Variants in IMMP2L observed in about 807,000 individuals in gnomAD.
The protein encoded by IMMP2L is mitochondrial inner membrane protease subunit 2.
IMMP2L carries 18 observed loss-of-function variants against 19.3 expected under a neutral mutation model. The observed-to-expected ratio is 0.93, with a 90% CI of 0.64 to 1.38. The LOEUF (loss-of-function observed/expected upper bound fraction) is 1.38, where lower values mean the gene tolerates loss of function less well. Among genes scored for constraint, IMMP2L ranks in the 40% most tolerant of loss-of-function variants. The pLI, the probability that IMMP2L is intolerant of heterozygous loss-of-function variation, is 0.00. For missense variants in IMMP2L, 233 were observed against 218.2 expected (o/e 1.07, Z -0.43); for synonymous variants, 76 against 73.0 (o/e 1.04, Z -0.21).
At chr7:111,206,884 G>A (rs1354134731) in intron 3 of IMMP2L, among the ~76,000 whole-genome samples, 1 of 151,926 alleles carries the variant, frequency 6.6e-6, no homozygotes, top group East Asian at 1.9e-4. Flanking sequence ...TTTTCCTTAG[G>A]TGTTACTCTT....
intron 3 of IMMP2L, among the ~76,000 whole-genome samples, chr7:111,292,991 A>G (rs1478735722): frequency 2.0e-5 from 3 of 152,146 alleles, no homozygotes; most frequent in African/African-American, 4.8e-5. Context: ...GGTCAAAATA[A>G]TAAGTCAAAA....
Position 111,434,050 on chromosome 7 carries a change from C to T in IMMP2L, c.239+53188G>A, listed in dbSNP as rs181332599. Among the ~76,000 whole-genome samples the T allele has an allele frequency of 2.0e-4, 31 of 151,732 alleles. No homozygotes were observed. In the East Asian group the frequency reaches 4.8e-3, roughly 24 times the overall value. ...CATTACCTGACTTTAAATTATACTA[C>T]GAGGCTACAGGAACCAAAACAGCAT... On this transcript the variant is annotated intron_variant, in intron 3 of 5. Transcript: ENST00000405709.
chr7:111,277,235 C>A lies in IMMP2L; in HGVS notation c.239+210003G>T, dbSNP rs60797011. On this transcript the variant is annotated intron_variant, in intron 3 of 5. Coordinates refer to ENST00000405709, the MANE Select transcript of IMMP2L (RefSeq NM_032549.4). ...ACAAAGGGCTAATATCCAGAACCTA[C>A]AACGAACTCAAACAACTCTACAAGA... Among the ~76,000 whole-genome samples, 310 of 151,886 alleles carry A rather than the reference C, an allele frequency of 2.0e-3. 3 individuals carry two copies. The highest frequency in any genetic ancestry group is 7.1e-3 in the African/African-American group (294 of 41,432).
chr7:111,537,409 A>G (rs1847981812), intron 1 of IMMP2L, among the ~76,000 whole-genome samples: 1 of 152,010 alleles, frequency 6.6e-6, no homozygotes, highest in Non-Finnish European at 1.5e-5. Flanking sequence ...AAATCATCCT[A>G]ACTTTCTCTT....
At chr7:111,076,308 T>G (rs918212029) in intron 3 of IMMP2L, among the ~76,000 whole-genome samples, 1 of 152,204 alleles carries the variant, frequency 6.6e-6, no homozygotes, top group Non-Finnish European at 1.5e-5. Context: ...TGAGAAGCAC[T>G]GAAGATCTGA....
intron 4 of IMMP2L, among the ~76,000 whole-genome samples, chr7:110,922,945 T>A (rs1814455463): frequency 6.6e-6 from 1 of 152,160 alleles, no homozygotes; most frequent in African/African-American, 2.4e-5. Context: ...CATGGCACAG[T>A]CAACAATTAG....
At chr7:111,313,816 T>C (rs1021317853) in intron 3 of IMMP2L, among the ~76,000 whole-genome samples, 3 of 152,112 alleles carry the variant, frequency 2.0e-5, no homozygotes, top group Non-Finnish European at 4.4e-5. Context: ...TGGATATTTG[T>C]CCAATCCAAA....
intron 3 of IMMP2L, among the ~76,000 whole-genome samples, chr7:111,320,834 A>G (rs1824610484): frequency 2.6e-5 from 4 of 152,102 alleles, no homozygotes; most frequent in Admixed American, 2.6e-4. Flanking sequence ...TTATCATACC[A>G]TACAGTACTG....
At chr7:110,756,537 TCTGAATAGTCAGGAAAGAAGTAGGC>T (rs1798052949) in intron 5 of IMMP2L, among the ~76,000 whole-genome samples, 3 of 151,984 alleles carry the variant, frequency 2.0e-5, no homozygotes, top group Admixed American at 6.6e-5. Flanking sequence ...TACTGCAGAG[TCTGAATAGTCAGGAAAGAAGTAGGC>T]CAAGCACCGA....
intron 5 of IMMP2L, among the ~76,000 whole-genome samples, chr7:110,705,956 A>G (rs1272051155): frequency 6.6e-6 from 1 of 151,942 alleles, no homozygotes; most frequent in African/African-American, 2.4e-5. Flanking sequence ...TCTTTATCCT[A>G]TGCATCATTG....
At chr7:110,889,735 T>G (rs964402778) in intron 4 of IMMP2L, among the ~76,000 whole-genome samples, 10 of 152,340 alleles carry the variant, frequency 6.6e-5, no homozygotes, top group Admixed American at 5.2e-4. Flanking sequence ...GGAGCCAGCC[T>G]ATCTTGGCTT....
intron 5 of IMMP2L, among the ~76,000 whole-genome samples, chr7:110,718,789 A>G (rs1216083140): frequency 3.3e-5 from 5 of 152,212 alleles, no homozygotes; most frequent in Admixed American, 6.5e-5. Context: ...GGAGCCTCAG[A>G]TGCAGATAGA....
intron 3 of IMMP2L, among the ~76,000 whole-genome samples, chr7:111,003,354 C>T (rs1456957179): frequency 6.6e-6 from 1 of 152,072 alleles, no homozygotes; most frequent in Non-Finnish European, 1.5e-5. Flanking sequence ...GAATTATTTA[C>T]ATATTTATTT....
At chr7:111,550,068 T>C (rs948061232) in intron 1 of IMMP2L, among the ~76,000 whole-genome samples, 3 of 151,568 alleles carry the variant, frequency 2.0e-5, no homozygotes, top group African/African-American at 7.3e-5. Flanking sequence ...AACTAAATAA[T>C]AATTATTCAG....
chr7:111,134,129 C>G (rs1439153945), intron 3 of IMMP2L, among the ~76,000 whole-genome samples: 2 of 151,802 alleles, frequency 1.3e-5, no homozygotes, highest in Non-Finnish European at 2.9e-5. Context: ...AATTGTATTT[C>G]TTTTTCAGAA....
At chr7:111,047,121 G>C (rs952246846) in intron 3 of IMMP2L, among the ~76,000 whole-genome samples, 1 of 152,050 alleles carries the variant, frequency 6.6e-6, no homozygotes, top group Non-Finnish European at 1.5e-5. Context: ...CCTCTGCTGG[G>C]AATGTCTTTT....
At chr7:111,143,034 G>C (rs1803102717) in intron 3 of IMMP2L, among the ~76,000 whole-genome samples, 1 of 151,998 alleles carries the variant, frequency 6.6e-6, no homozygotes, top group African/African-American at 2.4e-5. Context: ...CCTAACTTTT[G>C]TGTGTGCTCC....
intron 4 of IMMP2L, among the ~76,000 whole-genome samples, chr7:110,887,093 A>C (rs182288744): frequency 2.6e-5 from 4 of 152,234 alleles, no homozygotes; most frequent in Admixed American, 6.5e-5. Context: ...GCACAACTAC[A>C]GTCTTCATTT....
chr7:111,416,256 G>A (rs1486977837), intron 3 of IMMP2L, among the ~76,000 whole-genome samples: 2 of 151,758 alleles, frequency 1.3e-5, no homozygotes, highest in South Asian at 2.1e-4. Flanking sequence ...TTTCTTCCCC[G>A]TGCTAGGCAT....
Sources: allele counts gnomAD v4.1 joint callset (sites outside exome capture counted in the v4.1 genomes callset), GRCh38; gene constraint gnomAD v4.1.1; transcripts MANE v1.5; gene names NCBI Gene and HGNC (gene_info 2026-07-23, HGNC 2026-07-21).